THEMIS2: variants seen among roughly 807,000 people sequenced by gnomAD.
THEMIS2 encodes protein THEMIS2.
A neutral mutation model predicts 46.8 loss-of-function variants in THEMIS2; 29 were observed. That is an observed-to-expected ratio of 0.62 (90% CI 0.46 to 0.84). The LOEUF (loss-of-function observed/expected upper bound fraction) is 0.84. THEMIS2 is among the 40% of genes least tolerant of loss of function. The pLI is 0.00. For missense variants in THEMIS2, 698 were observed against 834.7 expected (o/e 0.84, Z 2.02); for synonymous variants, 335 against 349.1 (o/e 0.96, Z 0.45).
rs2089651838 is a variant in THEMIS2 at position 27,879,981 on chromosome 1, C to T, written c.573C>T (p.Val191=). 1 of 1,612,392 alleles carries T rather than the reference C, an allele frequency of 6.2e-7. No individual in the cohort carries two copies. Among genetic ancestry groups the T allele is most frequent in the Non-Finnish European group, 8.5e-7 (1 of 1,179,112 alleles). Residue 191 remains valine (V), a synonymous_variant, in exon 3 of 6, where the codon GTC becomes GTT. Transcript: ENST00000373921. ...VLQDPALKDL[V]LTCPTLPWHS... is the part of the protein sequence containing the mutation. ...AGGATCCAGCCCTGAAAGACCTCGT[C>T]CTCACCTGCCCCACCCTGCCCTGGC...
Position 27,882,005 on chromosome 1 carries a change from G to A in THEMIS2, c.681G>A (p.Leu227=), listed in dbSNP as rs752015276. ...RRTIVKIPST[L]EVDVEDVTAS... ...CCATTGTCAAGATCCCTTCTACCCT[G>A]GAGGTCGACGTGGAGGACGTCACCG... The change falls in exon 4 of 6, where the codon CTG becomes CTA. Residue 227 remains leucine, a synonymous_variant. Transcript: ENST00000373921. This position sits in a 1 kb window ranked among gnomAD's most constrained non-coding sequence, Gnocchi z 7.6. 3.1e-6 allele frequency: 5 copies of A among 1,614,050 alleles called. No homozygotes were observed. The East Asian group carries it at 1.1e-4, about 36-fold the overall frequency.
At chr1:27,875,083 A>G (rs1023572055) in intron 1 of THEMIS2, among the ~76,000 whole-genome samples, 3 of 151,794 alleles carry the variant, frequency 2.0e-5, no homozygotes, top group Non-Finnish European at 2.9e-5. Flanking sequence ...GGTTCAAGCA[A>G]TTCTCCTGCC....
chr1:27,886,104 G>T lies in THEMIS2; in HGVS notation c.*182G>T. On this transcript the variant is annotated 3_prime_UTR_variant, in exon 6 of 6. Transcript: ENST00000373921. ...AGCTTCCTTCAGGTTCTAGATTCTT[G>T]CTACTTAGGGCGGGCTGGTTTGGAC... is the stretch of plus-strand genomic sequence containing the variant. The T allele has an allele frequency of 1.6e-6, 1 of 606,492 alleles. No individual in the cohort carries two copies. The highest frequency in any genetic ancestry group is 2.0e-5 in the South Asian group (1 of 49,014). 37.6% of individuals were successfully genotyped at this position (606,492 alleles called of 1,614,324 possible).
Position 27,872,625 on chromosome 1 carries a change from C to T in THEMIS2, c.54C>T (p.Leu18=), listed in dbSNP as rs1206536568. The change falls in exon 1 of 6, where the codon CTC becomes CTT. Residue 18 remains leucine (L), a synonymous_variant. Transcript: ENST00000373921. This position sits in a 1 kb window ranked among gnomAD's most constrained non-coding sequence, Gnocchi z 4.9. ...TGCGCGCCTTGGACCCCGCCTCCCT[C>T]CCGCGCGTGCTGCGGGTCTGCTCGG... ...DFVRALDPAS[L]PRVLRVCSGV... 1.4e-6 allele frequency: 2 copies of T among 1,472,560 alleles called. No individual in the cohort carries two copies. Among genetic ancestry groups the T allele is most frequent in the Admixed American group, 2.3e-5 (1 of 43,036 alleles). 91.2% of individuals were successfully genotyped at this position (1,472,560 alleles called of 1,614,324 possible). A position where few individuals can be genotyped will look rare whatever the true frequency, so the allele number is the denominator to read the frequency against.
chr1:27,883,345 C>T, intron 4 of THEMIS2: 2 of 369,502 alleles, frequency 5.4e-6, no homozygotes, highest in Non-Finnish European at 9.9e-6. Flanking sequence ...ATGGTGCTTT[C>T]CTCTCTCCAC....
chr1:27,873,688 C>G (rs149792868), intron 1 of THEMIS2, among the ~76,000 whole-genome samples: 173 of 152,306 alleles, frequency 1.1e-3, no homozygotes, highest in African/African-American at 4.0e-3. Flanking sequence ...GGTTCAAATT[C>G]TGACTCTACC....
Position 27,885,085 on chromosome 1 carries a change from C to A in THEMIS2, c.1720-210C>A, listed in dbSNP as rs1168943919. 6 of 527,462 alleles carry A rather than the reference C, an allele frequency of 1.1e-5. No homozygotes were observed. The African/African-American group carries it at 1.2e-4, about 10-fold the overall frequency. 32.7% of individuals were successfully genotyped at this position (527,462 alleles called of 1,614,324 possible). On this transcript the variant is annotated intron_variant, in intron 4 of 5. Coordinates refer to ENST00000373921, the MANE Select transcript of THEMIS2 (RefSeq NM_001105556.3). ...CCCTGTCTCCAACCCCCAACCCTAT[C>A]CTCATTTTCTACCCTGATCCCTTTC...
At chr1:27,883,532 C>G (rs760102428) in intron 4 of THEMIS2, 1 of 157,888 alleles carries the variant, frequency 6.3e-6, no homozygotes. Flanking sequence ...TGATGCAAAC[C>G]CCTTAACATG....
intron 1 of THEMIS2, among the ~76,000 whole-genome samples, chr1:27,875,825 C>T (rs2089565869): frequency 6.6e-6 from 1 of 151,998 alleles, no homozygotes; most frequent in Admixed American, 6.6e-5. Context: ...CTCAGCCTCC[C>T]GAGTAGCTGG....
chr1:27,881,554 GT>G (rs2089678778), intron 3 of THEMIS2, among the ~76,000 whole-genome samples: 1 of 151,792 alleles, frequency 6.6e-6, no homozygotes, highest in African/African-American at 2.4e-5. Flanking sequence ...GGGGCCGGGC[GT>G]GGTGGCTCAT....
rs774082352 is a variant in THEMIS2 at position 27,876,635 on chromosome 1, G to A, written c.142G>A (p.Asp48Asn). 2 of 1,614,010 alleles carry A rather than the reference G, an allele frequency of 1.2e-6. No homozygotes were observed. The highest frequency in any genetic ancestry group is 1.1e-5 in the South Asian group (1 of 91,064). ...GAATGAGTGCTGCCTCTCCACGGGG[G>A]ACCTGATCAAGGTCACCCAGGTCCG... Reference protein sequence around the residue: ...SGNECCLSTGDLIKVTQVRLQ... With the variant: ...SGNECCLSTGNLIKVTQVRLQ... Residue 48 changes from aspartate (D) to asparagine (N), a missense_variant, in exon 2 of 6, where the codon GAC becomes AAC. Physicochemically the swap from Asp to Asn is conservative, Grantham distance 23. Coordinates refer to ENST00000373921, the MANE Select transcript of THEMIS2 (RefSeq NM_001105556.3).
chr1:27,872,664 G>T lies in THEMIS2; in HGVS notation c.93G>T (p.Glu31Asp). 7.3e-7 allele frequency: 1 copy of T among 1,376,782 alleles called. No individual in the cohort carries two copies. Among genetic ancestry groups the T allele is most frequent in the Non-Finnish European group, 9.4e-7 (1 of 1,059,706 alleles). 85.3% of individuals were successfully genotyped at this position (1,376,782 alleles called of 1,614,324 possible). The change falls in exon 1 of 6, where the codon GAG (glutamate) becomes GAT (aspartate). Residue 31 changes from glutamate (E) to aspartate (D), a missense_variant and splice_region_variant. By Grantham distance (45) the Glu-to-Asp change is conservative. Transcript: ENST00000373921. This position sits in a 1 kb window ranked among gnomAD's most constrained non-coding sequence, Gnocchi z 4.9. Reference protein sequence around the residue: ...VLRVCSGVYFEGSIYEISGNE... With the variant: ...VLRVCSGVYFDGSIYEISGNE... ...GGGTCTGCTCGGGGGTCTACTTCGAGGGTGAGCGGGGGCTGGAACCCCTCC... is the reference window on the plus strand; with the variant it reads ...GGGTCTGCTCGGGGGTCTACTTCGATGGTGAGCGGGGGCTGGAACCCCTCC...
intron 2 of THEMIS2, among the ~76,000 whole-genome samples, chr1:27,877,853 C>G (rs910884582): frequency 6.6e-6 from 1 of 152,112 alleles, no homozygotes; most frequent in African/African-American, 2.4e-5. Flanking sequence ...AGAAGGGGGC[C>G]TGGGACAGGC....
At chr1:27,877,375 G>A (rs889543968) in intron 2 of THEMIS2, among the ~76,000 whole-genome samples, 1 of 152,018 alleles carries the variant, frequency 6.6e-6, no homozygotes, top group East Asian at 1.9e-4. Flanking sequence ...ACCCAAGCTG[G>A]AGTGCAGTGG....
chr1:27,875,037 A>T (rs2089552794), intron 1 of THEMIS2, among the ~76,000 whole-genome samples: 1 of 150,708 alleles, frequency 6.6e-6, no homozygotes, highest in Admixed American at 6.6e-5. Context: ...GGAGTGCAGT[A>T]GCCTGATTTC....
At chr1:27,883,420 C>T (rs377107536) in intron 4 of THEMIS2, 198 of 194,742 alleles carry the variant, frequency 1.0e-3, no homozygotes, top group African/African-American at 4.5e-3. Flanking sequence ...TCAGCAGGCT[C>T]TTACAAAAGC....
At chr1:27,880,089 G>T in intron 3 of THEMIS2, 35 bp downstream of exon 3, 1 of 1,546,866 alleles carries the variant, frequency 6.5e-7, no homozygotes, top group African/African-American at 1.4e-5. Context: ...CGCGCTGCTG[G>T]GGGAGAGAAA....
In THEMIS2 at chr1:27,885,784, T is replaced by C. The variant is rs1033052304; in HGVS notation, c.1877-83T>C. 1.9e-5 allele frequency: 26 copies of C among 1,393,344 alleles called. 1 individual carries two copies. In the Admixed American group the frequency reaches 1.9e-4, roughly 10 times the overall value. The allele number at this position is 1,393,344 out of a possible 1,614,324, so 86.3% of individuals were successfully genotyped here. The stretch of plus-strand genomic sequence containing the variant: ...AGGGCATCCAGGCCACCTCTTTCCC[T>C]GCACAGATGAGGAAACTGCCCTACA... On this transcript the variant is annotated intron_variant, in intron 5 of 5. Coordinates refer to ENST00000373921, the MANE Select transcript of THEMIS2 (RefSeq NM_001105556.3).
intron 3 of THEMIS2, among the ~76,000 whole-genome samples, chr1:27,880,491 T>G (rs2089661220): frequency 6.6e-6 from 1 of 151,736 alleles, no homozygotes; most frequent in African/African-American, 2.4e-5. Context: ...TGGCCAGTTA[T>G]TCTTATTGAT....
Sources: allele counts gnomAD v4.1 joint callset (sites outside exome capture counted in the v4.1 genomes callset), GRCh38; gene constraint gnomAD v4.1.1; non-coding constraint Gnocchi (gnomAD v3.1); transcripts MANE v1.5; gene names NCBI Gene and HGNC (gene_info 2026-07-23, HGNC 2026-07-21).